The following SDK1 variants were observed in gnomAD, a reference collection of about 807,000 sequenced individuals.
SDK1 encodes sidekick cell adhesion molecule 1, also known as protein sidekick-1.
Under a neutral mutation model 245.5 loss-of-function variants are expected in SDK1, and 157 were observed. The observed-to-expected ratio is 0.64, with a 90% CI of 0.56 to 0.73. SDK1 has a LOEUF of 0.73. Ranked by LOEUF, SDK1 falls within the 30% of genes least tolerant of loss-of-function variation. The pLI is 0.00. For synonymous variants in SDK1, 1,647 were observed against 1,278.5 expected (o/e 1.29, Z -6.15); for missense variants, 3,583 against 3,002.3 (o/e 1.19, Z -4.52).
chr7:3,633,280 A>G (rs757500791), intron 2 of SDK1, among the ~76,000 whole-genome samples: 10 of 152,156 alleles, frequency 6.6e-5, no homozygotes, highest in Non-Finnish European at 1.3e-4. Flanking sequence ...CTTACATCTA[A>G]TTTTAACAAA....
At chr7:3,971,427 T>C in intron 11 of SDK1, 39 bp from the exon 12 acceptor site, 1 of 1,444,258 alleles carries the variant, frequency 6.9e-7, no homozygotes, top group Non-Finnish European at 9.7e-7. Context: ...ACTGTCAAAC[T>C]TGTCATTTCG....
At position 3,716,771 on chromosome 7, in the gene SDK1, GAAAAA is replaced by G. The variant is rs534296974; in HGVS notation, c.713+74674_713+74678del. 1.3e-3 allele frequency among the ~76,000 whole-genome samples: 139 copies of G among 110,828 alleles called. 1 individual carries two copies. The highest frequency in any genetic ancestry group is 4.4e-3 in the African/African-American group (134 of 30,728). The allele number at this position is 110,828 out of a possible 152,430, so 72.7% of individuals were successfully genotyped here. ...GAGACCCTGTCTCACCAAAAAAAAAGAAAAAAAAAAAAGAAAAAGGAAAAATCAAA... is the reference window on the plus strand; with the variant it reads ...GAGACCCTGTCTCACCAAAAAAAAAGAAAAAAAGAAAAAGGAAAAATCAAA... On this transcript the variant is annotated intron_variant, in intron 4 of 44. Coordinates refer to ENST00000404826, the MANE Select transcript of SDK1 (RefSeq NM_152744.4).
intron 1 of SDK1, among the ~76,000 whole-genome samples, chr7:3,564,222 C>A (rs1418749800): frequency 2.6e-5 from 4 of 151,768 alleles, no homozygotes; most frequent in Non-Finnish European, 4.4e-5. Context: ...CAATGAAATA[C>A]AGAATAATAA....
At chr7:3,917,548 A>T (rs1779428076) in intron 5 of SDK1, among the ~76,000 whole-genome samples, 1 of 152,130 alleles carries the variant, frequency 6.6e-6, no homozygotes, top group African/African-American at 2.4e-5. Context: ...ACGGACTCTG[A>T]GAGCAGAGGC....
chr7:3,413,444 C>T (rs750845563), intron 1 of SDK1, among the ~76,000 whole-genome samples: 1 of 152,154 alleles, frequency 6.6e-6, no homozygotes, highest in Non-Finnish European at 1.5e-5. Flanking sequence ...TCTGTAATCC[C>T]AGCACTTTGG....
At chr7:3,852,469 C>T (rs1374575935) in intron 5 of SDK1, among the ~76,000 whole-genome samples, 6 of 150,912 alleles carry the variant, frequency 4.0e-5, no homozygotes, top group African/African-American at 7.3e-5. Flanking sequence ...TTTTTTTGGC[C>T]GGGCACGGTG....
chr7:4,043,441 G>C (rs12155501), intron 17 of SDK1, among the ~76,000 whole-genome samples: 33,966 of 148,960 alleles, frequency 0.23, 5,034 homozygotes, highest in African/African-American at 0.46. Flanking sequence ...GAGTGTCACA[G>C]CCAGGGCCTC....
At chr7:3,644,793 C>CAAAACAAAAAA (rs1782773517) in intron 4 of SDK1, among the ~76,000 whole-genome samples, 1 of 108,862 alleles carries the variant, frequency 9.2e-6, no homozygotes, top group African/African-American at 3.6e-5. Context: ...AAAAAAAAAA[C>CAAAACAAAAAA]AAAAAACAAC....
chr7:4,187,176 A>G (rs1782945098), intron 35 of SDK1, among the ~76,000 whole-genome samples: 2 of 152,092 alleles, frequency 1.3e-5, no homozygotes, highest in South Asian at 4.2e-4. Flanking sequence ...TCCAGGGATG[A>G]GGCAGGGGGC....
intron 2 of SDK1, among the ~76,000 whole-genome samples, chr7:3,629,564 G>T (rs1007662867): frequency 2.0e-5 from 3 of 152,176 alleles, no homozygotes; most frequent in African/African-American, 7.2e-5. Context: ...CAGATAGCCT[G>T]CACAGAGGTG....
chr7:3,699,013 A>T lies in SDK1; in HGVS notation c.713+56908A>T, dbSNP rs189726359. ...GAGCTTTCACCCAAACCTGGGAGGA[A>T]CAAGGAATCAACTTCCCACTCCCAG... On this transcript the variant is annotated intron_variant, in intron 4 of 44. Coordinates refer to ENST00000404826, the MANE Select transcript of SDK1 (RefSeq NM_152744.4). Among the ~76,000 whole-genome samples, 8 of 152,284 alleles carry T rather than the reference A, an allele frequency of 5.3e-5. No homozygotes were observed. The East Asian group carries it at 1.5e-3, about 29-fold the overall frequency.
At chr7:3,804,709 A>G (rs555746555) in intron 4 of SDK1, among the ~76,000 whole-genome samples, 2 of 152,134 alleles carry the variant, frequency 1.3e-5, no homozygotes, top group African/African-American at 2.4e-5. Flanking sequence ...ATCACTCTCC[A>G]TTTGTGTAGA....
chr7:3,838,744 T>C (rs1356484759), intron 5 of SDK1, among the ~76,000 whole-genome samples: 1 of 152,138 alleles, frequency 6.6e-6, no homozygotes, highest in Non-Finnish European at 1.5e-5. Context: ...TCTCAGCAGT[T>C]CCAAGCTGTG....
chr7:3,942,478 C>T (rs1250339039), intron 5 of SDK1, among the ~76,000 whole-genome samples: 3 of 151,994 alleles, frequency 2.0e-5, no homozygotes, highest in Non-Finnish European at 4.4e-5. Flanking sequence ...CTGGACAACA[C>T]GATCAAAAAA....
intron 40 of SDK1, among the ~76,000 whole-genome samples, chr7:4,229,858 G>T (rs538279303): frequency 3.3e-5 from 5 of 152,014 alleles, no homozygotes; most frequent in Non-Finnish European, 5.9e-5. Flanking sequence ...CTTGCTCACA[G>T]TAAGCAGTAA....
chr7:4,077,400 T>C (rs541458709), intron 21 of SDK1, among the ~76,000 whole-genome samples: 1 of 152,322 alleles, frequency 6.6e-6, no homozygotes, highest in East Asian at 1.9e-4. Flanking sequence ...GTCCCTTCTG[T>C]CTTCCCCTCC....
At chr7:3,936,692 TTA>T in intron 5 of SDK1, among the ~76,000 whole-genome samples, 1 of 152,326 alleles carries the variant, frequency 6.6e-6, no homozygotes, top group Admixed American at 6.5e-5. Flanking sequence ...AGGTGGTATT[TTA>T]TGTTTTGTGT....
At chr7:3,959,278 G>T (rs892401490) in intron 8 of SDK1, among the ~76,000 whole-genome samples, 1 of 152,114 alleles carries the variant, frequency 6.6e-6, no homozygotes, top group Non-Finnish European at 1.5e-5. Context: ...CCCAGACAGA[G>T]AGGGGACTCC....
Position 3,575,122 on chromosome 7 carries a change from C to T in SDK1, c.299-43958C>T, listed in dbSNP as rs1469089236. ...CACCTGACTGCCATAACCAAATACC[C>T]TAGACTGGGTGGTTTAAGGCTGGGA... is the stretch of plus-strand genomic sequence containing the variant. On this transcript the variant is annotated intron_variant, in intron 1 of 44. Transcript: ENST00000404826. Among the ~76,000 whole-genome samples the T allele has an allele frequency of 5.9e-5, 9 of 152,052 alleles. No homozygotes were observed. The South Asian group carries it at 1.9e-3, about 31-fold the overall frequency.
Sources: gnomAD v4.1 joint callset for allele counts (sites outside exome capture counted in the v4.1 genomes callset) on GRCh38, gnomAD v4.1.1 for gene constraint, MANE v1.5 for transcripts, NCBI Gene and HGNC (gene_info 2026-07-23, HGNC 2026-07-21) for gene names.